Variants in FANCA observed in about 807,000 individuals in gnomAD.
FANCA encodes Fanconi anemia group A protein.
A neutral mutation model predicts 194.3 loss-of-function variants in FANCA; 236 were observed. The ratio of observed to expected loss-of-function variants is 1.21; its 90% CI spans 1.09 to 1.35. The LOEUF is 1.35. FANCA is among the 40% of genes most tolerant of loss of function. The pLI is 0.00. For synonymous variants in FANCA, 1,014 were observed against 715.8 expected, an observed-to-expected ratio of 1.42 and a Z score of -6.65; for missense variants, 2,628 against 1,813.9, an observed-to-expected ratio of 1.45 and a Z score of -8.15.
Position 89,749,808 on chromosome 16 carries a change from C to G in FANCA, c.3161G>C (p.Arg1054Thr), listed in dbSNP as rs199570931. ...CCCGCTTGTCAGAGCCTGGAGCCGT[C>G]TGCGGAAAATCTCAAAGAGGAAGTG... ...QEHFLFEIFR[R>T]RLQALTSGWS... Residue 1054 changes from arginine (R) to threonine (T), a missense_variant, in exon 32 of 43, where the codon AGA (arginine) becomes ACA (threonine). By Grantham distance (71) the Arg-to-Thr change is moderately conservative. Transcript: ENST00000389301. The G allele has an allele frequency of 6.2e-7, 1 of 1,614,228 alleles. No individual in the cohort carries two copies. Among genetic ancestry groups the G allele is most frequent in the Non-Finnish European group, 8.5e-7 (1 of 1,180,048 alleles).
At chr16:89,750,985 G>A (rs183459087) in intron 31 of FANCA, among the ~76,000 whole-genome samples, 1,656 of 152,196 alleles carry the variant, frequency 0.011, 17 homozygotes, top group Non-Finnish European at 0.017. Flanking sequence ...CTTGACTCTC[G>A]AGCTCAGCTG....
intron 31 of FANCA, among the ~76,000 whole-genome samples, chr16:89,750,986 A>C (rs1028659058): frequency 4.6e-5 from 7 of 152,208 alleles, no homozygotes; most frequent in African/African-American, 1.2e-4. Flanking sequence ...TTGACTCTCG[A>C]GCTCAGCTGA....
chr16:89,755,356 G>A (rs2038733560), intron 30 of FANCA, among the ~76,000 whole-genome samples: 1 of 152,124 alleles, frequency 6.6e-6, no homozygotes, highest in South Asian at 2.1e-4. Context: ...TGGGATTACA[G>A]GCGCCTGCCA....
chr16:89,739,920 G>A (rs56216970), intron 39 of FANCA, 74 bp downstream of exon 39: 6 of 1,600,562 alleles, frequency 3.7e-6, no homozygotes, highest in South Asian at 3.3e-5. Context: ...AGGAGGGCTC[G>A]TTCTTAACCA....
At chr16:89,774,754 A>AAAAAAAAAAAAAAAC (rs34932314) in intron 21 of FANCA, among the ~76,000 whole-genome samples, 21 of 145,714 alleles carry the variant, frequency 1.4e-4, no homozygotes, top group Middle Eastern at 3.3e-3. Context: ...AAAAAAAAAA[A>AAAAAAAAAAAAAAAC]TCTCAACGAG....
chr16:89,802,309 G>A (rs2040484397), intron 8 of FANCA, among the ~76,000 whole-genome samples: 1 of 150,502 alleles, frequency 6.6e-6, no homozygotes, highest in African/African-American at 2.4e-5. Flanking sequence ...CACCATGTTG[G>A]TCAGGCTGGT....
chr16:89,809,030 T>C (rs11642136), intron 5 of FANCA, among the ~76,000 whole-genome samples: 108,357 of 151,492 alleles, frequency 0.72, 40,599 homozygotes, highest in East Asian at 1. Flanking sequence ...CTCAGCCTCC[T>C]GAGTAGCTGG....
rs768676657 is a variant in FANCA at position 89,784,879 on chromosome 16, G to C, written c.1445C>G (p.Pro482Arg). ...CTGCAGGTACCGGGGAGACTCAAAA[G>C]GCACGAGTTCTGACAAGAACGTAAA... is the stretch of plus-strand genomic sequence containing the variant. ...FLFTFLSELV[P>R]FESPRYLQVH... Residue 482 changes from proline (P) to arginine (R), a missense_variant, in exon 15 of 43, where the codon CCT becomes CGT. Transcript: ENST00000389301. 46 of 1,613,998 alleles carry C rather than the reference G, an allele frequency of 2.9e-5. No homozygotes were observed. The highest frequency in any genetic ancestry group is 3.9e-5 in the Non-Finnish European group (46 of 1,179,972).
At chr16:89,811,123 T>A in intron 3 of FANCA, 52 bp from the exon 4 acceptor site, 1 of 1,612,200 alleles carries the variant, frequency 6.2e-7, no homozygotes, top group Non-Finnish European at 8.5e-7. Flanking sequence ...AGACAAAATC[T>A]AAAACCAAAG....
At chr16:89,777,010 G>C (rs2039529035) in intron 20 of FANCA, among the ~76,000 whole-genome samples, 3 of 152,204 alleles carry the variant, frequency 2.0e-5, no homozygotes, top group South Asian at 4.1e-4. Flanking sequence ...CCAAGAGAGA[G>C]AGAAGCCTGG....
chr16:89,739,459 G>A lies in FANCA; in HGVS notation c.4010+19C>T, dbSNP rs978377623. 2 of 1,551,970 alleles carry A rather than the reference G, an allele frequency of 1.3e-6. No individual in the cohort carries two copies. Among genetic ancestry groups the A allele is most frequent in the Non-Finnish European group, 1.7e-6 (2 of 1,147,726 alleles). ...GGGAAACACTGCCCAGCCCTGACCA[G>A]CCCTGTGGGTGGAGGTACCTGTAAA... On this transcript the variant is annotated intron_variant, in intron 40 of 42. Transcript: ENST00000389301.
chr16:89,753,937 C>T (rs2038683693), intron 30 of FANCA, among the ~76,000 whole-genome samples: 1 of 152,186 alleles, frequency 6.6e-6, no homozygotes, highest in Admixed American at 6.6e-5. Flanking sequence ...CGCCAGTAAT[C>T]CCACCTATTG....
rs117892737 is a variant in FANCA at position 89,743,913 on chromosome 16, T to C, written c.3627-975A>G. Among the ~76,000 whole-genome samples, 43 of 152,198 alleles carry C rather than the reference T, an allele frequency of 2.8e-4. No individual in the cohort carries two copies. The East Asian group carries it at 7.7e-3, about 27-fold the overall frequency. On this transcript the variant is annotated intron_variant, in intron 36 of 42. Coordinates refer to ENST00000389301, the MANE Select transcript of FANCA (RefSeq NM_000135.4). ...GAGGTGTGACCTGCTTTCTCCTTTTTTGAGATGGAGTTTCTCTCTCATTGC... is the reference window on the plus strand; with the variant it reads ...GAGGTGTGACCTGCTTTCTCCTTTTCTGAGATGGAGTTTCTCTCTCATTGC...
intron 17 of FANCA, among the ~76,000 whole-genome samples, chr16:89,780,903 C>T (rs1388387475): frequency 6.7e-6 from 1 of 149,612 alleles, no homozygotes; most frequent in Non-Finnish European, 1.5e-5. Context: ...ATACTTCAGC[C>T]TGGTCAACAG....
intron 27 of FANCA, among the ~76,000 whole-genome samples, chr16:89,765,379 C>A (rs2039092098): frequency 6.6e-6 from 1 of 151,998 alleles, no homozygotes; most frequent in Non-Finnish European, 1.5e-5. Flanking sequence ...ACACACAACC[C>A]CACGTTCAGG....
At chr16:89,753,003 T>C (rs982663782) in intron 30 of FANCA, among the ~76,000 whole-genome samples, 1 of 152,248 alleles carries the variant, frequency 6.6e-6, no homozygotes, top group African/African-American at 2.4e-5. Flanking sequence ...CCTGTGATGC[T>C]GTGCTTCAGT....
chr16:89,740,452 T>C lies in FANCA; in HGVS notation c.3828+352A>G, dbSNP rs1240449217. On this transcript the variant is annotated intron_variant, in intron 38 of 42. Coordinates refer to ENST00000389301, the MANE Select transcript of FANCA (RefSeq NM_000135.4). Reference sequence around the variant, plus strand: ...CCAGTTCAAGACCAGCCTGGCAATATGGTGAAACCCCGTCTCTACTAAAAA... The same window carrying C: ...CCAGTTCAAGACCAGCCTGGCAATACGGTGAAACCCCGTCTCTACTAAAAA... The C allele has an allele frequency of 1.5e-5, 7 of 457,054 alleles. No homozygotes were observed. The Admixed American group carries it at 1.8e-4, about 12-fold the overall frequency. 28.3% of individuals were successfully genotyped at this position (457,054 alleles called of 1,614,324 possible).
At chr16:89,769,387 T>TC (rs953756822) in intron 26 of FANCA, among the ~76,000 whole-genome samples, 3 of 152,004 alleles carry the variant, frequency 2.0e-5, no homozygotes, top group African/African-American at 7.3e-5. Flanking sequence ...AACCACAGGG[T>TC]CCTTCCTCAC....
At chr16:89,768,675 AAAAAAC>A (rs1466813783) in intron 26 of FANCA, among the ~76,000 whole-genome samples, 2 of 151,122 alleles carry the variant, frequency 1.3e-5, no homozygotes, top group African/African-American at 4.9e-5. Flanking sequence ...ACCAAAAACC[AAAAAAC>A]AAAAAAAAAA....
Sources: gnomAD v4.1 joint callset for allele counts (sites outside exome capture counted in the v4.1 genomes callset) on GRCh38, gnomAD v4.1.1 for gene constraint, MANE v1.5 for transcripts, NCBI Gene and HGNC (gene_info 2026-07-23, HGNC 2026-07-21) for gene names.